The following NYAP2 variants were observed in gnomAD, a reference collection of about 807,000 sequenced individuals.
NYAP2 encodes the protein neuronal tyrosine-phosphorylated phosphoinositide-3-kinase adaptor 2.
A neutral mutation model predicts 50.4 loss-of-function variants in NYAP2; 23 were observed. The ratio of observed to expected loss-of-function variants is 0.46; its 90% confidence interval spans 0.33 to 0.65. NYAP2 has a LOEUF of 0.65. NYAP2 is among the 30% of genes least tolerant of loss of function. NYAP2 has a pLI of 0.02. For synonymous variants in NYAP2, 394 were observed against 365.2 expected, an observed-to-expected ratio of 1.08 and a Z score of -0.90; for missense variants, 885 against 861.0, an observed-to-expected ratio of 1.03 and a Z score of -0.35.
the NYAP2 span, among the ~76,000 whole-genome samples, chr2:225,662,596 G>T: frequency 6.6e-6 from 1 of 152,248 alleles, no homozygotes; most frequent in Non-Finnish European, 1.5e-5. Flanking sequence ...AGTAAATGCT[G>T]CATTAGAGCT....
At chr2:225,504,482 C>A (rs1690667986) in intron 3 of NYAP2, among the ~76,000 whole-genome samples, 1 of 152,154 alleles carries the variant, frequency 6.6e-6, no homozygotes, top group African/African-American at 2.4e-5. Context: ...TTATATCAGC[C>A]ACCTTGATAG....
At chr2:225,584,047 CA>C (rs201506330) in intron 5 of NYAP2, among the ~76,000 whole-genome samples, 11 of 150,988 alleles carry the variant, frequency 7.3e-5, no homozygotes, top group Admixed American at 3.3e-4. Context: ...GTCTCAAAAA[CA>C]AAAAACAAAC....
chr2:225,575,791 G>C (rs1238192673), intron 4 of NYAP2, among the ~76,000 whole-genome samples: 1 of 152,202 alleles, frequency 6.6e-6, no homozygotes, highest in Non-Finnish European at 1.5e-5. Flanking sequence ...ACTGGAGACT[G>C]TCAGCCAGAT....
chr2:225,582,888 G>A lies in NYAP2; in HGVS notation c.1471G>A (p.Ala491Thr), dbSNP rs749141197. ...AGATGGGGCCAAGATGGTCAACGCC[G>A]CGGTGAACACCTACGGGGCAGCCCC... The change falls in exon 5 of 7, where the codon GCG becomes ACG. Residue 491 changes from alanine (A) to threonine (T), a missense_variant. Transcript: ENST00000636099. The surrounding 1 kb of genome is among the most constrained non-coding windows in gnomAD (Gnocchi z 7.0). 5 of 1,613,544 alleles carry A rather than the reference G, an allele frequency of 3.1e-6. No homozygotes were observed. The highest frequency in any genetic ancestry group is 3.3e-5 in the Admixed American group (2 of 60,014).
At chr2:225,462,720 T>C (rs1258067810) in intron 3 of NYAP2, among the ~76,000 whole-genome samples, 1 of 152,170 alleles carries the variant, frequency 6.6e-6, no homozygotes, top group East Asian at 1.9e-4. Context: ...AATAGAAGTA[T>C]TTTTAGTAAT....
chr2:225,629,878 T>C (rs1047333293), intron 6 of NYAP2, among the ~76,000 whole-genome samples: 26 of 152,088 alleles, frequency 1.7e-4, no homozygotes, highest in Non-Finnish European at 2.9e-4. Context: ...CACTGCTGCA[T>C]TGGGGATGAG....
At chr2:225,520,594 G>A (rs1691034885) in intron 4 of NYAP2, among the ~76,000 whole-genome samples, 2 of 152,004 alleles carry the variant, frequency 1.3e-5, no homozygotes, top group East Asian at 1.9e-4. Context: ...GATGTGTGGT[G>A]TTATTTCTGA....
At chr2:225,651,745 G>A in exon 7 of NYAP2, 1 of 681,202 alleles carries the variant, frequency 1.5e-6, no homozygotes, top group South Asian at 2.1e-5. Flanking sequence ...GATTGGTGGT[G>A]AAACTTTCTT....
At chr2:225,675,210 C>T in the NYAP2 span, among the ~76,000 whole-genome samples, 4 of 151,928 alleles carry the variant, frequency 2.6e-5, no homozygotes, top group Admixed American at 1.3e-4. Flanking sequence ...TTGCCGATGC[C>T]GAGGCTTGAG....
At chr2:225,669,909 T>G in the NYAP2 span, among the ~76,000 whole-genome samples, 1 of 152,132 alleles carries the variant, frequency 6.6e-6, no homozygotes, top group Non-Finnish European at 1.5e-5. Context: ...GAAAGCAGTG[T>G]GAGCACACCT....
intron 3 of NYAP2, among the ~76,000 whole-genome samples, chr2:225,410,887 AC>A (rs1695027652): frequency 6.6e-6 from 1 of 152,088 alleles, no homozygotes; most frequent in Non-Finnish European, 1.5e-5. Flanking sequence ...ACACAGCAAA[AC>A]CCTGTCATTA....
chr2:225,472,632 A>C lies in NYAP2; in HGVS notation c.222-40739A>C, dbSNP rs903443846. Among the ~76,000 whole-genome samples, 104 of 152,204 alleles carry C rather than the reference A, an allele frequency of 6.8e-4. 1 individual carries two copies. The highest frequency in any genetic ancestry group is 5.9e-5 in the Non-Finnish European group (4 of 68,032). ...TATGCTCAGGGAGGGCTGTGTAAAA[A>C]TCATAGGAAGTTCATCATCGTTAGA... On this transcript the variant is annotated intron_variant, in intron 3 of 6. Transcript: ENST00000636099.
chr2:225,620,416 T>C (rs1007292693), intron 5 of NYAP2, among the ~76,000 whole-genome samples: 1 of 146,768 alleles, frequency 6.8e-6, no homozygotes, highest in South Asian at 2.1e-4. Context: ...CACGCACACA[T>C]GCACGCACAC....
Position 225,582,326 on chromosome 2 carries a change from C to T in NYAP2, c.909C>T (p.Asp303=). Residue 303 remains aspartate (D), a synonymous_variant, in exon 5 of 7, where the codon GAC becomes GAT. Coordinates refer to ENST00000636099, the Ensembl canonical transcript of NYAP2. The surrounding 1 kb of genome is among the most constrained non-coding windows in gnomAD (Gnocchi z 7.0). ...AGTGTGCTACTCCCACGGTGCCTGA[C>T]TTGGACTTCGCCAAGGCCTCAGTGC... 1.2e-6 allele frequency: 2 copies of T among 1,614,024 alleles called. No individual in the cohort carries two copies. The highest frequency in any genetic ancestry group is 2.2e-5 in the East Asian group (1 of 44,864).
chr2:225,592,032 G>C (rs767926925), intron 5 of NYAP2, among the ~76,000 whole-genome samples: 10 of 152,190 alleles, frequency 6.6e-5, no homozygotes, highest in African/African-American at 9.7e-5. Flanking sequence ...GTGGGCCTCA[G>C]AATCGCCTAA....
intron 3 of NYAP2, among the ~76,000 whole-genome samples, chr2:225,444,845 A>T (rs1192092367): frequency 2.6e-5 from 4 of 152,238 alleles, no homozygotes; most frequent in Non-Finnish European, 5.9e-5. Flanking sequence ...TAGCATGTTA[A>T]AAGACAATAA....
intron 3 of NYAP2, among the ~76,000 whole-genome samples, chr2:225,510,505 T>C (rs1690791913): frequency 6.6e-6 from 1 of 152,202 alleles, no homozygotes; most frequent in Admixed American, 6.5e-5. Flanking sequence ...ACTCCACATG[T>C]TCCTAGCAAA....
At chr2:225,675,084 A>ATT in the NYAP2 span, among the ~76,000 whole-genome samples, 1 of 152,048 alleles carries the variant, frequency 6.6e-6, no homozygotes. Flanking sequence ...CATATTAGTG[A>ATT]TTTTTTCACA....
chr2:225,403,198 A>G (rs541434780), intron 2 of NYAP2, among the ~76,000 whole-genome samples: 1 of 152,130 alleles, frequency 6.6e-6, no homozygotes, highest in Admixed American at 6.6e-5. Flanking sequence ...AGAAGATGCA[A>G]TGATTGGAGT....
Sources: gnomAD v4.1 joint callset for allele counts (sites outside exome capture counted in the v4.1 genomes callset) on GRCh38, gnomAD v4.1.1 for gene constraint, Gnocchi (gnomAD v3.1) non-coding constraint, MANE v1.5 for transcripts, NCBI Gene and HGNC (gene_info 2026-07-23, HGNC 2026-07-21) for gene names.